TXNDC15: variants seen among roughly 807,000 people sequenced by gnomAD.
TXNDC15 encodes thioredoxin domain containing 15, also known as thioredoxin domain-containing protein 15.
Under a neutral mutation model 35.0 loss-of-function variants are expected in TXNDC15, and 24 were observed. The ratio of observed to expected loss-of-function variants is 0.68; its 90% CI spans 0.50 to 0.96. TXNDC15 has a LOEUF of 0.96. Among genes scored for constraint, TXNDC15 ranks in the 40% least tolerant of loss-of-function variants. The pLI is 0.00. For synonymous variants in TXNDC15, 169 were observed against 174.0 expected (o/e 0.97, Z 0.23); for missense variants, 385 against 453.3 (o/e 0.85, Z 1.37).
At chr5:134,893,379 C>A in intron 2 of TXNDC15, 113 bp from the exon 3 acceptor site, 1 of 1,315,584 alleles carries the variant, frequency 7.6e-7, no homozygotes, top group Non-Finnish European at 1.1e-6. Context: ...TCTCTCGCTG[C>A]TCCTACCCAC....
In TXNDC15 at chr5:134,881,804, G is replaced by A. The variant is rs1750152092; in HGVS notation, c.104-5891G>A. Among the ~76,000 whole-genome samples, 10 of 150,048 alleles carry A rather than the reference G, an allele frequency of 6.7e-5. No homozygotes were observed. In the South Asian group the frequency reaches 2.1e-3, roughly 32 times the overall value. ...CCTCACCTCCCGGACGGGGCGGCTG[G>A]CCGGGCGGGGGGCTGACGCTCCCAT... On this transcript the variant is annotated intron_variant, in intron 1 of 4. Coordinates refer to ENST00000358387, the MANE Select transcript of TXNDC15 (RefSeq NM_024715.4).
chr5:134,877,740 T>C (rs187723718), intron 1 of TXNDC15, among the ~76,000 whole-genome samples: 379 of 151,610 alleles, frequency 2.5e-3, no homozygotes, highest in African/African-American at 8.8e-3. Context: ...CCCGAGTAGC[T>C]GGGATTACAG....
At chr5:134,884,079 G>C (rs1334041594) in intron 1 of TXNDC15, among the ~76,000 whole-genome samples, 1 of 151,202 alleles carries the variant, frequency 6.6e-6, no homozygotes, top group Non-Finnish European at 1.5e-5. Context: ...AATTAGTCAG[G>C]TGTGGTGGCA....
At chr5:134,874,296 C>A, upstream of TXNDC15, 1 of 713,596 alleles carries the variant, frequency 1.4e-6, no homozygotes, top group Non-Finnish European at 2.2e-6. Context: ...AGATGGCGCC[C>A]GCCACAGCTG....
Position 134,901,041 on chromosome 5 carries a change from GCCTCCCAAAGTGTTGGGATTA to G in TXNDC15, c.*1358_*1378del, listed in dbSNP as rs1750592099. On this transcript the variant is annotated 3_prime_UTR_variant, in exon 5 of 5. Coordinates refer to ENST00000358387, the MANE Select transcript of TXNDC15 (RefSeq NM_024715.4). ...GACTTCAGGTGATCCACCCGCCTCA[GCCTCCCAAAGTGTTGGGATTA>G]CAGGTGTGAGCCACTGCGCCTGGCC... is the stretch of plus-strand genomic sequence containing the variant. The G allele has an allele frequency of 6.6e-6, 1 of 152,186 alleles. No homozygotes were observed. Among genetic ancestry groups the G allele is most frequent in the Non-Finnish European group, 1.5e-5 (1 of 68,032 alleles). The allele number at this position is 152,186 out of a possible 1,614,324, so 9.4% of individuals were successfully genotyped here. A position where few individuals can be genotyped will look rare whatever the true frequency, so the allele number is the denominator to read the frequency against.
chr5:134,880,862 G>A (rs1750128167), intron 1 of TXNDC15, among the ~76,000 whole-genome samples: 2 of 151,124 alleles, frequency 1.3e-5, no homozygotes, highest in Non-Finnish European at 2.9e-5. Flanking sequence ...TTTTTCCTCT[G>A]GCTGCTTTAA....
rs1750491421 is a variant in TXNDC15 at position 134,896,553 on chromosome 5, T to C, written c.886+129T>C. On this transcript the variant is annotated intron_variant, in intron 4 of 4. Transcript: ENST00000358387. Reference sequence around the variant, plus strand: ...CTGACTTTGAGTTGTAAAACTTCTCTTCTAATGAACTGTTATGATCCTGTT... The same window carrying C: ...CTGACTTTGAGTTGTAAAACTTCTCCTCTAATGAACTGTTATGATCCTGTT... 11 of 1,155,052 alleles carry C rather than the reference T, an allele frequency of 9.5e-6. No homozygotes were observed. In the South Asian group the frequency reaches 1.5e-4, roughly 16 times the overall value. 71.6% of individuals were successfully genotyped at this position (1,155,052 alleles called of 1,614,324 possible). A position where few individuals can be genotyped will look rare whatever the true frequency, so the allele number is the denominator to read the frequency against.
At chr5:134,876,431 CT>C (rs1750035267) in intron 1 of TXNDC15, among the ~76,000 whole-genome samples, 1 of 152,192 alleles carries the variant, frequency 6.6e-6, no homozygotes, top group African/African-American at 2.4e-5. Flanking sequence ...GGTTCTGTGA[CT>C]ACTTCTCTCT....
At chr5:134,874,618 G>A in intron 1 of TXNDC15, 88 bp downstream of exon 1, 1 of 1,071,764 alleles carries the variant, frequency 9.3e-7, no homozygotes, top group Non-Finnish European at 1.3e-6. Flanking sequence ...GAAGGCCGGC[G>A]GTGCGCGACT....
intron 2 of TXNDC15, among the ~76,000 whole-genome samples, chr5:134,891,539 G>A (rs868556685): frequency 2.6e-5 from 4 of 152,276 alleles, no homozygotes; most frequent in South Asian, 4.2e-4. Context: ...CAGATGTACT[G>A]TCATCCAGGC....
chr5:134,886,784 C>T (rs577160001), intron 1 of TXNDC15, among the ~76,000 whole-genome samples: 11 of 152,350 alleles, frequency 7.2e-5, no homozygotes, highest in Middle Eastern at 3.4e-3. Flanking sequence ...AGGGAGCCTA[C>T]GGCTCGTTCT....
intron 2 of TXNDC15, among the ~76,000 whole-genome samples, chr5:134,891,112 C>T (rs1028774451): frequency 1.3e-5 from 2 of 152,146 alleles, no homozygotes; most frequent in African/African-American, 2.4e-5. Context: ...AAGTCATCCA[C>T]GAGGGTTGGA....
intron 1 of TXNDC15, among the ~76,000 whole-genome samples, chr5:134,884,036 T>C (rs1007838238): frequency 6.6e-6 from 1 of 150,738 alleles, no homozygotes; most frequent in Non-Finnish European, 1.5e-5. Flanking sequence ...CTGGCCAACA[T>C]GGCGAAACCT....
intron 2 of TXNDC15, among the ~76,000 whole-genome samples, chr5:134,889,542 A>G (rs899110523): frequency 6.6e-6 from 1 of 152,216 alleles, no homozygotes; most frequent in African/African-American, 2.4e-5. Context: ...GTACTCTTGA[A>G]TTGATCTAAC....
chr5:134,874,259 C>A (rs1749979459), upstream of TXNDC15: 2 of 574,596 alleles, frequency 3.5e-6, no homozygotes, highest in Admixed American at 6.8e-5. Context: ...CGACGGCCAG[C>A]GGCTAGAGGC....
chr5:134,881,969 C>T (rs1414093372), intron 1 of TXNDC15, among the ~76,000 whole-genome samples: 5 of 150,062 alleles, frequency 3.3e-5, no homozygotes, highest in South Asian at 4.2e-4. Context: ...CCCTCCCGGA[C>T]GGGGTGGCTG....
intron 2 of TXNDC15, chr5:134,893,228 C>A: frequency 2.7e-6 from 1 of 372,722 alleles, no homozygotes; most frequent in Middle Eastern, 7.5e-4. Context: ...ATTAGGAAAG[C>A]GCAGAGGAAA....
chr5:134,881,578 T>C (rs564448300), intron 1 of TXNDC15, among the ~76,000 whole-genome samples: 2 of 121,726 alleles, frequency 1.6e-5, no homozygotes, highest in South Asian at 6.1e-4. Flanking sequence ...AAGTCTCCCA[T>C]GTCTACCTCT....
At position 134,885,642 on chromosome 5, in the gene TXNDC15, C is replaced by T. The variant is rs1750261243; in HGVS notation, c.104-2053C>T. On this transcript the variant is annotated intron_variant, in intron 1 of 4. Coordinates refer to ENST00000358387, the MANE Select transcript of TXNDC15 (RefSeq NM_024715.4). ...TTGCAAACTATGGCTTCTTGGTCTC[C>T]TTGGACTCTTAGCTCCATCTCCTCA... is the stretch of plus-strand genomic sequence containing the variant. 2.0e-5 allele frequency among the ~76,000 whole-genome samples: 3 copies of T among 152,194 alleles called. No homozygotes were observed. In the South Asian group the frequency reaches 6.2e-4, roughly 31 times the overall value.
Sources: allele counts gnomAD v4.1 joint callset (sites outside exome capture counted in the v4.1 genomes callset), GRCh38; gene constraint gnomAD v4.1.1; transcripts MANE v1.5; gene names NCBI Gene and HGNC (gene_info 2026-07-23, HGNC 2026-07-21).